Variants in ST6GALNAC3 observed in about 807,000 individuals in gnomAD.
The protein encoded by ST6GALNAC3 is ST6 N-acetylgalactosaminide alpha-2,6-sialyltransferase 3.
Under a neutral mutation model 32.7 loss-of-function variants are expected in ST6GALNAC3, and 25 were observed. That is an observed-to-expected ratio of 0.76 (90% confidence interval 0.56 to 1.07). ST6GALNAC3 has a LOEUF of 1.07. Ranked by LOEUF, ST6GALNAC3 falls within the 50% of genes least tolerant of loss-of-function variation. The pLI, the probability that ST6GALNAC3 is intolerant of heterozygous loss-of-function variation, is 0.00. For missense variants in ST6GALNAC3, 355 were observed against 382.4 expected (o/e 0.93, Z 0.60); for synonymous variants, 129 against 133.1 (o/e 0.97, Z 0.21).
chr1:76,384,858 G>A (rs1651972431), intron 2 of ST6GALNAC3, among the ~76,000 whole-genome samples: 1 of 151,980 alleles, frequency 6.6e-6, no homozygotes, highest in South Asian at 2.1e-4. Flanking sequence ...ATAACCCTGT[G>A]CTCATTAACA....
At chr1:76,608,583 G>A (rs891907886) in intron 3 of ST6GALNAC3, among the ~76,000 whole-genome samples, 7 of 148,434 alleles carry the variant, frequency 4.7e-5, no homozygotes, top group African/African-American at 1.7e-4. Flanking sequence ...AAGATCAAAA[G>A]CCCTGAGCTG....
intron 3 of ST6GALNAC3, among the ~76,000 whole-genome samples, chr1:76,540,277 G>A (rs915360057): frequency 5.9e-5 from 9 of 151,976 alleles, no homozygotes; most frequent in Admixed American, 3.3e-4. Flanking sequence ...AACACCACAC[G>A]TTCTCACTCA....
rs966563448 is a variant in ST6GALNAC3, at chr1:76,576,975, G to T, written c.624-50477G>T. 4 of 1,276,598 alleles carry T rather than the reference G, an allele frequency of 3.1e-6. No individual in the cohort carries two copies. The African/African-American group carries it at 6.2e-5, about 20-fold the overall frequency. The allele number at this position is 1,276,598 out of a possible 1,614,324, so 79.1% of individuals were successfully genotyped here. ...CAAACAAACAAACAAACAAAACTAA[G>T]CAAGACAAAACAAATACCCATGTCA... On this transcript the variant is annotated intron_variant, in intron 3 of 4. Transcript: ENST00000328299.
intron 2 of ST6GALNAC3, among the ~76,000 whole-genome samples, chr1:76,320,012 T>G (rs1441954385): frequency 5.9e-5 from 9 of 152,322 alleles, no homozygotes; most frequent in African/African-American, 2.2e-4. Context: ...AGTCTGGTTG[T>G]GAAATAGCAA....
In ST6GALNAC3 at chr1:76,620,704, G is replaced by T. The variant is rs546859143; in HGVS notation, c.624-6748G>T. 2.0e-3 allele frequency among the ~76,000 whole-genome samples: 301 copies of T among 152,090 alleles called. 2 individuals are homozygous for T. The highest frequency in any genetic ancestry group is 2.8e-3 in the Non-Finnish European group (189 of 67,938). ...CATGTAAAGCTAATTATCTCCCAAA[G>T]GCCCCATCACCAAATACAAAATACC... On this transcript the variant is annotated intron_variant, in intron 3 of 4. Coordinates refer to ENST00000328299, the MANE Select transcript of ST6GALNAC3 (RefSeq NM_152996.4).
At chr1:76,186,176 A>G (rs968301522) in intron 1 of ST6GALNAC3, among the ~76,000 whole-genome samples, 1 of 152,078 alleles carries the variant, frequency 6.6e-6, no homozygotes, top group Admixed American at 6.5e-5. Flanking sequence ...GCCCCATGTC[A>G]TTAATAGGAT....
intron 3 of ST6GALNAC3, among the ~76,000 whole-genome samples, chr1:76,591,260 G>T (rs1647043826): frequency 6.6e-6 from 1 of 151,934 alleles, no homozygotes; most frequent in Admixed American, 6.6e-5. Context: ...GGAATAGCTG[G>T]CATATATACC....
intron 3 of ST6GALNAC3, among the ~76,000 whole-genome samples, chr1:76,532,852 G>A (rs1488771259): frequency 7.7e-6 from 1 of 130,076 alleles, no homozygotes; most frequent in Non-Finnish European, 1.6e-5. Flanking sequence ...TTCTACCAAT[G>A]CTCACAGATG....
chr1:76,454,019 A>G (rs2101566587), intron 3 of ST6GALNAC3, among the ~76,000 whole-genome samples: 1 of 152,236 alleles, frequency 6.6e-6, no homozygotes, highest in Non-Finnish European at 1.5e-5. Flanking sequence ...AAGTCATTTT[A>G]TCATTATATG....
intron 1 of ST6GALNAC3, among the ~76,000 whole-genome samples, chr1:76,263,990 T>C (rs1365140288): frequency 6.6e-6 from 1 of 152,110 alleles, no homozygotes; most frequent in Non-Finnish European, 1.5e-5. Context: ...GAAGTTGAAA[T>C]AGGGAGATAA....
intron 1 of ST6GALNAC3, among the ~76,000 whole-genome samples, chr1:76,101,246 T>A (rs1375970385): frequency 6.6e-6 from 1 of 152,204 alleles, no homozygotes; most frequent in Non-Finnish European, 1.5e-5. Flanking sequence ...GGTCATATAG[T>A]TGGAATCATA....
chr1:76,405,396 T>C (rs747101895), intron 2 of ST6GALNAC3, among the ~76,000 whole-genome samples: 2 of 152,126 alleles, frequency 1.3e-5, no homozygotes, highest in South Asian at 2.1e-4. Context: ...AAAGGTTAAA[T>C]ATTACATTAT....
intron 1 of ST6GALNAC3, among the ~76,000 whole-genome samples, chr1:76,118,736 A>T (rs991708556): frequency 3.3e-5 from 5 of 152,138 alleles, no homozygotes; most frequent in African/African-American, 1.2e-4. Context: ...TTTTCCCCAA[A>T]TCATATTTCT....
At chr1:76,260,297 T>C (rs375512933) in intron 1 of ST6GALNAC3, among the ~76,000 whole-genome samples, 23 of 152,354 alleles carry the variant, frequency 1.5e-4, no homozygotes, top group African/African-American at 5.5e-4. Flanking sequence ...CTTTCACTAG[T>C]ACCTTCCTGG....
At chr1:76,183,950 A>G (rs1180565294) in intron 1 of ST6GALNAC3, among the ~76,000 whole-genome samples, 5 of 150,362 alleles carry the variant, frequency 3.3e-5, no homozygotes, top group Non-Finnish European at 7.4e-5. Flanking sequence ...ACATAAATAC[A>G]TAGCCCCACT....
chr1:76,432,193 G>T (rs1168759640), intron 3 of ST6GALNAC3, among the ~76,000 whole-genome samples: 1 of 151,976 alleles, frequency 6.6e-6, no homozygotes, highest in Non-Finnish European at 1.5e-5. Flanking sequence ...TGGCTTGATA[G>T]CTCATTTGTT....
intron 3 of ST6GALNAC3, among the ~76,000 whole-genome samples, chr1:76,491,985 T>G (rs1180980041): frequency 1.3e-5 from 2 of 152,322 alleles, no homozygotes; most frequent in Admixed American, 6.5e-5. Flanking sequence ...AGCCAAAATT[T>G]CCAATTAAAC....
chr1:76,456,648 A>G (rs956164766), intron 3 of ST6GALNAC3, among the ~76,000 whole-genome samples: 1 of 152,240 alleles, frequency 6.6e-6, no homozygotes, highest in African/African-American at 2.4e-5. Flanking sequence ...GACAAAATTT[A>G]ACAACCCTTC....
At chr1:76,079,654 T>C (rs1249683955) in intron 1 of ST6GALNAC3, among the ~76,000 whole-genome samples, 1 of 152,190 alleles carries the variant, frequency 6.6e-6, no homozygotes, top group Admixed American at 6.5e-5. Context: ...CATATATTTA[T>C]CTTGATTGAT....
Sources: allele counts gnomAD v4.1 joint callset (sites outside exome capture counted in the v4.1 genomes callset), GRCh38; gene constraint gnomAD v4.1.1; transcripts MANE v1.5; gene names NCBI Gene and HGNC (gene_info 2026-07-23, HGNC 2026-07-21).